The following CCDC171 variants were observed in gnomAD, a reference collection of about 807,000 sequenced individuals.
CCDC171 encodes the protein coiled-coil domain-containing protein 171.
A neutral mutation model predicts 168.2 loss-of-function variants in CCDC171; 177 were observed. The observed-to-expected ratio is 1.05, with a 90% CI of 0.93 to 1.19. The LOEUF (loss-of-function observed/expected upper bound fraction) is 1.19, where lower values mean the gene tolerates loss of function less well. Ranked by LOEUF, CCDC171 falls within the 50% of genes most tolerant of loss-of-function variation. The pLI is 0.00. For missense variants in CCDC171, 1,991 were observed against 1,539.0 expected (o/e 1.29, Z -4.91); for synonymous variants, 687 against 540.8 (o/e 1.27, Z -3.75).
In CCDC171 at chr9:15,820,959, C is replaced by A. The variant is rs1366280996; in HGVS notation, c.3268-25743C>A. Among the ~76,000 whole-genome samples the A allele has an allele frequency of 2.6e-5, 3 of 116,950 alleles. 1 individual carries two copies. Among genetic ancestry groups the A allele is most frequent in the Non-Finnish European group, 5.7e-5 (3 of 52,194 alleles). 76.7% of individuals were successfully genotyped at this position (116,950 alleles called of 152,430 possible). The stretch of plus-strand genomic sequence containing the variant: ...TCAATAAAATACTGGCAAACCGAAT[C>A]CAGCAGCACATCAAAAAGCTTACCC... On this transcript the variant is annotated intron_variant, in intron 21 of 25. Transcript: ENST00000380701.
intron 6 of CCDC171, among the ~76,000 whole-genome samples, chr9:16,025,089 C>T (rs759304932): frequency 6.6e-6 from 1 of 152,172 alleles, no homozygotes; most frequent in African/African-American, 2.4e-5. Context: ...ACCATATGAC[C>T]CAGCAACTTC....
chr9:15,921,600 C>G (rs1195664095), intron 25 of CCDC171, among the ~76,000 whole-genome samples: 4 of 151,428 alleles, frequency 2.6e-5, no homozygotes, highest in African/African-American at 9.7e-5. Context: ...AGTAGGTGCT[C>G]AATAAATATT....
At chr9:15,825,388 C>T (rs1370387516) in intron 21 of CCDC171, among the ~76,000 whole-genome samples, 1 of 152,032 alleles carries the variant, frequency 6.6e-6, no homozygotes, top group Non-Finnish European at 1.5e-5. Flanking sequence ...CCTGAGTCAT[C>T]CTAATAATGT....
chr9:15,975,802 T>C (rs3008744), downstream of CCDC171, among the ~76,000 whole-genome samples: 78,171 of 152,038 alleles, frequency 0.51, 21,299 homozygotes, highest in African/African-American at 0.71. Flanking sequence ...TACGAGATGT[T>C]CATAATACTA....
rs530183908 is a variant in CCDC171 at position 16,021,371 on chromosome 9, C to T, written n.574+577C>T. On this transcript the variant is annotated intron_variant and non_coding_transcript_variant, in intron 4 of 9. Transcript: ENST00000486641. Reference sequence around the variant, plus strand: ...AAAGTGCTGGGATTACAGGTGTGAGCCACCATGCCTGGCCTCAATAAGACA... The same window carrying T: ...AAAGTGCTGGGATTACAGGTGTGAGTCACCATGCCTGGCCTCAATAAGACA... 5.9e-5 allele frequency among the ~76,000 whole-genome samples: 9 copies of T among 152,344 alleles called. No homozygotes were observed. The South Asian group carries it at 1.2e-3, about 21-fold the overall frequency.
At chr9:15,632,118 G>C (rs2045763733) in intron 7 of CCDC171, among the ~76,000 whole-genome samples, 1 of 151,776 alleles carries the variant, frequency 6.6e-6, no homozygotes, top group Non-Finnish European at 1.5e-5. Flanking sequence ...CCCAAGACAG[G>C]GATGCCCTCT....
rs1367662039 is a variant in CCDC171 at position 15,678,743 on chromosome 9, A to G, written c.1077-15A>G. 6.3e-7 allele frequency: 1 copy of G among 1,575,388 alleles called. No homozygotes were observed. The highest frequency in any genetic ancestry group is 8.6e-7 in the Non-Finnish European group (1 of 1,168,490). ...GCATGTTTGAAAAACCTGCTCTGAC[A>G]CTTTAACTTTTCAGATTAGAAAAAG... On this transcript the variant is annotated splice_polypyrimidine_tract_variant and intron_variant, in intron 9 of 25. Coordinates refer to ENST00000380701, the MANE Select transcript of CCDC171 (RefSeq NM_173550.4).
intron 21 of CCDC171, among the ~76,000 whole-genome samples, chr9:15,828,383 G>A (rs1477001156): frequency 6.6e-6 from 1 of 151,386 alleles, no homozygotes; most frequent in African/African-American, 2.4e-5. Flanking sequence ...ATTTTATTGA[G>A]AAAGTGTTCA....
intron 18 of CCDC171, among the ~76,000 whole-genome samples, chr9:15,773,487 A>G (rs758492447): frequency 2.6e-5 from 4 of 152,202 alleles, no homozygotes; most frequent in Non-Finnish European, 4.4e-5. Context: ...GGAAAAAGTA[A>G]TTTCAGAATA....
At chr9:15,626,203 AG>A (rs2045087433) in intron 7 of CCDC171, among the ~76,000 whole-genome samples, 1 of 152,220 alleles carries the variant, frequency 6.6e-6, no homozygotes, top group Admixed American at 6.5e-5. Flanking sequence ...TATCAGTTTA[AG>A]GAGATTTTGG....
At chr9:15,865,404 G>GTATA (rs1363315667) in intron 23 of CCDC171, among the ~76,000 whole-genome samples, 2 of 133,476 alleles carry the variant, frequency 1.5e-5, no homozygotes, top group Non-Finnish European at 3.3e-5. Flanking sequence ...GTGTATGTAT[G>GTATA]TATATAAAGT....
At chr9:16,039,860 A>G (rs1028740005), upstream of CCDC171, among the ~76,000 whole-genome samples, 1 of 151,828 alleles carries the variant, frequency 6.6e-6, no homozygotes. Flanking sequence ...GTGTGTGTGT[A>G]ATGGGGTGGG....
intron 7 of CCDC171, among the ~76,000 whole-genome samples, chr9:15,634,764 C>T (rs2046067399): frequency 6.6e-6 from 1 of 152,166 alleles, no homozygotes; most frequent in Non-Finnish European, 1.5e-5. Context: ...ACATTTTCAT[C>T]ACACAATAAG....
At position 15,888,148 on chromosome 9, in the gene CCDC171, G is replaced by A. The variant is rs576153531; in HGVS notation, c.3600+13485G>A. 9.9e-5 allele frequency: 15 copies of A among 152,232 alleles called. No homozygotes were observed. The East Asian group carries it at 2.7e-3, about 27-fold the overall frequency. 9.4% of individuals were successfully genotyped at this position (152,232 alleles called of 1,614,324 possible). ...TGAACAACATGTTTCTTTTCTTGCT[G>A]ATTATTAGTATGGACTTAAAAAAAT... is the stretch of plus-strand genomic sequence containing the variant. On this transcript the variant is annotated intron_variant, in intron 24 of 25. Coordinates refer to ENST00000380701, the MANE Select transcript of CCDC171 (RefSeq NM_173550.4).
chr9:16,016,697 G>A (rs554361180), intron 3 of CCDC171, among the ~76,000 whole-genome samples: 1 of 152,170 alleles, frequency 6.6e-6, no homozygotes, highest in African/African-American at 2.4e-5. Context: ...ACGAAAAACA[G>A]GTTGCCACTT....
chr9:15,555,801 TTAAG>T (rs2038743611), intron 1 of CCDC171, among the ~76,000 whole-genome samples: 1 of 152,200 alleles, frequency 6.6e-6, no homozygotes, highest in African/African-American at 2.4e-5. Flanking sequence ...GTCATTTACA[TTAAG>T]TATATCTCCT....
intron 7 of CCDC171, among the ~76,000 whole-genome samples, chr9:15,623,757 T>G (rs1564073743): frequency 6.6e-6 from 1 of 152,174 alleles, no homozygotes; most frequent in Non-Finnish European, 1.5e-5. Context: ...GGAAAAGTTT[T>G]GGTGTACATA....
intron 16 of CCDC171, among the ~76,000 whole-genome samples, chr9:15,732,914 CACTCTCACTAGCAAT>C (rs1157417096): frequency 1.7e-4 from 26 of 152,216 alleles, no homozygotes; most frequent in Non-Finnish European, 3.4e-4. Flanking sequence ...TATCATTTTG[CACTCTCACTAGCAAT>C]GTAAGAGATT....
chr9:16,052,293 CG>C (rs1218108680), intron 1 of CCDC171, among the ~76,000 whole-genome samples: 1 of 152,152 alleles, frequency 6.6e-6, no homozygotes, highest in Non-Finnish European at 1.5e-5. Context: ...TTCTCCAGCA[CG>C]TCATCATGGG....
Sources: allele counts gnomAD v4.1 joint callset (sites outside exome capture counted in the v4.1 genomes callset), GRCh38; gene constraint gnomAD v4.1.1; transcripts MANE v1.5; gene names NCBI Gene and HGNC (gene_info 2026-07-23, HGNC 2026-07-21).